PID1: variants seen among roughly 807,000 people sequenced by gnomAD.
The protein encoded by PID1 is PTB-containing, cubilin and LRP1-interacting protein.
In PID1, 10 loss-of-function variants were observed where a neutral mutation model predicts 19.1. That is an observed-to-expected ratio of 0.52 (90% CI 0.32 to 0.89). The LOEUF is 0.89. Among genes scored for constraint, PID1 ranks in the 40% least tolerant of loss-of-function variants. The pLI, the probability that PID1 is intolerant of heterozygous loss-of-function variation, is 0.03. For synonymous variants in PID1, 130 were observed against 116.0 expected (o/e 1.12, Z -0.78); for missense variants, 248 against 285.3 (o/e 0.87, Z 0.94).
intron 2 of PID1, among the ~76,000 whole-genome samples, chr2:229,037,816 T>G (rs1693694763): frequency 6.6e-6 from 1 of 152,112 alleles, no homozygotes; most frequent in South Asian, 2.1e-4. Context: ...GCGACAGAAA[T>G]TCAGCAGAGC....
At chr2:229,071,160 A>C (rs145423502) in intron 2 of PID1, among the ~76,000 whole-genome samples, 98 of 152,298 alleles carry the variant, frequency 6.4e-4, no homozygotes, top group Non-Finnish European at 3.4e-4. Context: ...AGAAAGAAAA[A>C]AGTCAGACCA....
In PID1 at chr2:229,103,291, T is replaced by G. The variant is rs117233117; in HGVS notation, c.177+52527A>C. 4.5e-4 allele frequency among the ~76,000 whole-genome samples: 69 copies of G among 152,248 alleles called. 1 individual carries two copies. The East Asian group carries it at 0.013, about 29-fold the overall frequency. ...GTCAATGGGACAAGGGAAGGGCTGA[T>G]GTGAGTCACATTTCGCACAGACACA... On this transcript the variant is annotated intron_variant, in intron 2 of 2. Transcript: ENST00000392055.
At chr2:229,151,518 TTTAATGTCAGTTCTGTG>T (rs1384497507) in intron 2 of PID1, among the ~76,000 whole-genome samples, 5 of 152,206 alleles carry the variant, frequency 3.3e-5, no homozygotes. Flanking sequence ...ACACCTGTTC[TTTAATGTCAGTTCTGTG>T]TTATTGTCAG....
chr2:229,080,731 C>A (rs1694652879), intron 2 of PID1, among the ~76,000 whole-genome samples: 1 of 152,182 alleles, frequency 6.6e-6, no homozygotes, highest in Non-Finnish European at 1.5e-5. Context: ...ATTAAATAAA[C>A]TGTTGTGAAT....
intron 2 of PID1, among the ~76,000 whole-genome samples, chr2:229,139,024 A>C (rs1231903398): frequency 5.7e-5 from 5 of 88,396 alleles, no homozygotes; most frequent in African/African-American, 1.7e-4. Context: ...AGAAAGAAAG[A>C]AAGAAAGAAA....
rs889011073 is a variant in PID1 at position 229,231,862 on chromosome 2, C to T, written c.30+39152G>A. 1.6e-5 allele frequency: 25 copies of T among 1,546,026 alleles called. No homozygotes were observed. The Admixed American group carries it at 4.7e-4, about 29-fold the overall frequency. On this transcript the variant is annotated intron_variant, in intron 1 of 2. Transcript: ENST00000392055. Reference sequence around the variant, plus strand: ...ACCTCCTTGTCTTAATCTGTTTGTGCTGCTATAACGAAATACCACAGAGTA... The same window carrying T: ...ACCTCCTTGTCTTAATCTGTTTGTGTTGCTATAACGAAATACCACAGAGTA...
Position 229,243,308 on chromosome 2 carries a change from G to A in PID1, c.30+27706C>T, listed in dbSNP as rs146742368. ...CCTCCTACCACACATGGGAATTGTG[G>A]GAGTTACAATTCAAGATGAGATTTG... On this transcript the variant is annotated intron_variant, in intron 1 of 2. Transcript: ENST00000392055. Among the ~76,000 whole-genome samples, 111 of 152,170 alleles carry A rather than the reference G, an allele frequency of 7.3e-4. 1 individual carries two copies. In the East Asian group the frequency reaches 0.022, roughly 29 times the overall value.
intron 1 of PID1, among the ~76,000 whole-genome samples, chr2:229,246,136 C>A (rs1405802615): frequency 6.6e-6 from 1 of 152,098 alleles, no homozygotes; most frequent in Admixed American, 6.5e-5. Flanking sequence ...AGTTGGAAGA[C>A]CTCACCCACA....
At chr2:229,045,765 G>A (rs1329949400) in intron 2 of PID1, among the ~76,000 whole-genome samples, 1 of 152,234 alleles carries the variant, frequency 6.6e-6, no homozygotes, top group East Asian at 1.9e-4. Context: ...CTCAAGCCAA[G>A]GTGCTGCATT....
chr2:229,207,354 T>G (rs1358748166), intron 1 of PID1, among the ~76,000 whole-genome samples: 1 of 151,916 alleles, frequency 6.6e-6, no homozygotes, highest in Non-Finnish European at 1.5e-5. Context: ...TACCTTGATC[T>G]GTAAAATGGG....
intron 2 of PID1, among the ~76,000 whole-genome samples, chr2:229,047,226 T>A (rs1307076723): frequency 6.6e-6 from 1 of 152,174 alleles, no homozygotes; most frequent in African/African-American, 2.4e-5. Flanking sequence ...TCCAGAACCA[T>A]GCAGAGTTAG....
chr2:229,235,972 C>T (rs1226987), intron 1 of PID1, among the ~76,000 whole-genome samples: 148,002 of 152,262 alleles, frequency 0.97, 72,047 homozygotes, highest in Non-Finnish European at 1. Context: ...TATTCTTCAG[C>T]AGTTCTTCAA....
rs116780832 is a variant in PID1, at chr2:229,026,017, G to A, written c.269C>T (p.Thr90Met). 1,168 of 1,614,184 alleles carry A rather than the reference G, an allele frequency of 7.2e-4. 4 individuals are homozygous for A. Among genetic ancestry groups the A allele is most frequent in the Middle Eastern group, 1.6e-3 (10 of 6,062 alleles). Reference protein sequence around the residue: ...KPVIELWKKHTLAREDVFPAN... With the variant: ...KPVIELWKKHMLAREDVFPAN... ...CGGAAAGACATCCTCTCGGGCTAGCGTGTGCTTCTTCCAGAGCTCAATGAC... is the reference window on the plus strand; with the variant it reads ...CGGAAAGACATCCTCTCGGGCTAGCATGTGCTTCTTCCAGAGCTCAATGAC... Residue 90 changes from threonine (T) to methionine (M), a missense_variant, in exon 3 of 3, where the codon ACG becomes ATG. Transcript: ENST00000392055.
At chr2:229,210,139 TAAA>T (rs752450558) in intron 1 of PID1, among the ~76,000 whole-genome samples, 2 of 133,138 alleles carry the variant, frequency 1.5e-5, no homozygotes. Context: ...TACTTGAACT[TAAA>T]AAAAAAAAAA....
At chr2:229,093,940 T>C (rs550958224) in intron 2 of PID1, among the ~76,000 whole-genome samples, 1 of 152,264 alleles carries the variant, frequency 6.6e-6, no homozygotes, top group East Asian at 1.9e-4. Flanking sequence ...AACATAGTAC[T>C]GGAAGTCCTA....
chr2:229,171,077 T>C lies in PID1; in HGVS notation c.31-15113A>G, dbSNP rs58580962. 6.1e-3 allele frequency among the ~76,000 whole-genome samples: 922 copies of C among 152,330 alleles called. 11 individuals are homozygous for C. The highest frequency in any genetic ancestry group is 0.021 in the African/African-American group (876 of 41,568). Reference sequence around the variant, plus strand: ...TGATTTGCAATTGGAAGTGCTCAGCTTGACAGTATCAGAGTGAATACCCCG... The same window carrying C: ...TGATTTGCAATTGGAAGTGCTCAGCCTGACAGTATCAGAGTGAATACCCCG... On this transcript the variant is annotated intron_variant, in intron 1 of 2. Transcript: ENST00000392055.
intron 2 of PID1, among the ~76,000 whole-genome samples, chr2:229,118,459 C>G (rs1440376558): frequency 1.3e-5 from 2 of 152,028 alleles, no homozygotes; most frequent in East Asian, 3.9e-4. Context: ...CATCCTGGCT[C>G]TGCCACTAAC....
At chr2:229,037,219 A>C (rs1187622936) in intron 2 of PID1, among the ~76,000 whole-genome samples, 2 of 152,218 alleles carry the variant, frequency 1.3e-5, no homozygotes, top group African/African-American at 4.8e-5. Context: ...ATCTATAAAA[A>C]TATTAATAGA....
At chr2:229,155,408 G>C (rs1323847023) in intron 2 of PID1, among the ~76,000 whole-genome samples, 1 of 151,752 alleles carries the variant, frequency 6.6e-6, no homozygotes, top group African/African-American at 2.4e-5. Flanking sequence ...CTCCTAAAAA[G>C]ACAAAAAATT....
Sources: allele counts gnomAD v4.1 joint callset (sites outside exome capture counted in the v4.1 genomes callset), GRCh38; gene constraint gnomAD v4.1.1; transcripts MANE v1.5; gene names NCBI Gene and HGNC (gene_info 2026-07-23, HGNC 2026-07-21).